BCL2L13: variants seen among roughly 807,000 people sequenced by gnomAD.
BCL2L13 encodes bcl-2-like protein 13.
A neutral mutation model predicts 25.8 loss-of-function variants in BCL2L13; 13 were observed. The observed-to-expected ratio is 0.50, with a 90% confidence interval of 0.33 to 0.80. The LOEUF is 0.80. Among genes scored for constraint, BCL2L13 ranks in the 30% least tolerant of loss-of-function variants. The probability of loss-of-function intolerance (pLI) is 0.02; values close to 1 mark genes in which losing one functional copy is unlikely to be tolerated. For missense variants in BCL2L13, 504 were observed against 574.9 expected (o/e 0.88, Z 1.26); for synonymous variants, 244 against 230.3 (o/e 1.06, Z -0.54).
At chr22:17,633,129 C>T (rs1254155284) in intron 1 of BCL2L13, among the ~76,000 whole-genome samples, 1 of 152,146 alleles carries the variant, frequency 6.6e-6, no homozygotes, top group Non-Finnish European at 1.5e-5. Flanking sequence ...CCATACCATG[C>T]ACCACTACCC....
chr22:17,649,221 C>T (rs534503821), intron 1 of BCL2L13, among the ~76,000 whole-genome samples: 1 of 152,194 alleles, frequency 6.6e-6, no homozygotes, highest in East Asian at 1.9e-4. Context: ...CCTCAGCCTC[C>T]GGAGTGGCTG....
At chr22:17,716,579 A>G (rs996892022) in intron 6 of BCL2L13, among the ~76,000 whole-genome samples, 1 of 152,172 alleles carries the variant, frequency 6.6e-6, no homozygotes, top group African/African-American at 2.4e-5. Context: ...TACCTCCTCT[A>G]ATGCCCTTCA....
intron 1 of BCL2L13, among the ~76,000 whole-genome samples, chr22:17,641,394 TTTC>T (rs1335470896): frequency 6.6e-6 from 1 of 152,076 alleles, no homozygotes; most frequent in Non-Finnish European, 1.5e-5. Context: ...TTTATTTTTT[TTTC>T]TTGTTCTTCC....
upstream of BCL2L13, chr22:17,638,621 T>G: frequency 8.4e-7 from 1 of 1,192,402 alleles, no homozygotes; most frequent in Non-Finnish European, 1.0e-6. Context: ...GTTTGGGTCT[T>G]CAGGTCACAT....
chr22:17,643,903 G>A lies in BCL2L13; in HGVS notation c.-51+5017G>A, dbSNP rs12165346. On this transcript the variant is annotated intron_variant, in intron 1 of 6. Transcript: ENST00000317582. Reference sequence around the variant, plus strand: ...GCTGGGATTACAGGCGTGAGCCACGGCGCCCGGCCAACTTTTTTATTTTGA... The same window carrying A: ...GCTGGGATTACAGGCGTGAGCCACGACGCCCGGCCAACTTTTTTATTTTGA... Among the ~76,000 whole-genome samples the A allele has an allele frequency of 2.9e-3, 419 of 144,776 alleles. 3 individuals are homozygous for A. Among genetic ancestry groups the A allele is most frequent in the African/African-American group, 0.011 (403 of 36,272 alleles). The allele number at this position is 144,776 out of a possible 152,430, so 95.0% of individuals were successfully genotyped here.
At chr22:17,712,500 T>C (rs1399367296) in intron 6 of BCL2L13, among the ~76,000 whole-genome samples, 10 of 152,240 alleles carry the variant, frequency 6.6e-5, no homozygotes, top group Non-Finnish European at 1.3e-4. Context: ...ATTTTCTTCT[T>C]CCTTGTAAAA....
chr22:17,659,249 A>C (rs1224262191), intron 2 of BCL2L13, among the ~76,000 whole-genome samples: 1 of 145,858 alleles, frequency 6.9e-6, no homozygotes, highest in African/African-American at 2.4e-5. Flanking sequence ...CTGTAGTCCC[A>C]GCTACTCTGG....
chr22:17,698,928 C>T (rs1382876597), intron 5 of BCL2L13, among the ~76,000 whole-genome samples: 2 of 152,018 alleles, frequency 1.3e-5, no homozygotes, highest in African/African-American at 4.8e-5. Flanking sequence ...GTAGACTTAT[C>T]CTCCCTCTTT....
intron 6 of BCL2L13, among the ~76,000 whole-genome samples, chr22:17,717,727 G>GT (rs1008662101): frequency 1.5e-4 from 23 of 152,054 alleles, no homozygotes; most frequent in East Asian, 3.9e-4. Flanking sequence ...TTAACTTACT[G>GT]TTTTTTTTAT....
intron 2 of BCL2L13, among the ~76,000 whole-genome samples, chr22:17,679,257 T>TGATGAGCATAACTCATAAATCTAATGTGA: frequency 1.4e-5 from 2 of 141,434 alleles, no homozygotes; most frequent in Admixed American, 7.9e-5. Flanking sequence ...TGTCAATTGG[T>TGATGAGCATAACTCATAAATCTAATGTGA]TTGGCTCTTT....
rs1341833874 is a variant in BCL2L13, at chr22:17,727,799, G to C, written c.*265G>C. The C allele has an allele frequency of 2.3e-5, 12 of 514,782 alleles. No homozygotes were observed. Among genetic ancestry groups the C allele is most frequent in the Non-Finnish European group, 3.9e-5 (11 of 285,060 alleles). The allele number at this position is 514,782 out of a possible 1,614,324, so 31.9% of individuals were successfully genotyped here. A position where few individuals can be genotyped will look rare whatever the true frequency, so the allele number is the denominator to read the frequency against. On this transcript the variant is annotated 3_prime_UTR_variant, in exon 7 of 7. Transcript: ENST00000317582. Reference sequence around the variant, plus strand: ...ACCCCCTCCAGGACCGGGTTTCTCAGCCTTGGCACTAGTGCTGTTCTGACC... The same window carrying C: ...ACCCCCTCCAGGACCGGGTTTCTCACCCTTGGCACTAGTGCTGTTCTGACC...
At chr22:17,650,820 A>G (rs1858205245) in intron 1 of BCL2L13, among the ~76,000 whole-genome samples, 1 of 150,890 alleles carries the variant, frequency 6.6e-6, no homozygotes. Context: ...CTATCCTCCC[A>G]TCTCGGCCTC....
chr22:17,642,011 G>C (rs1289450209), intron 1 of BCL2L13, among the ~76,000 whole-genome samples: 1 of 151,876 alleles, frequency 6.6e-6, no homozygotes, highest in Non-Finnish European at 1.5e-5. Context: ...GTGTTAGCCA[G>C]GATGGTCTCC....
intron 6 of BCL2L13, among the ~76,000 whole-genome samples, chr22:17,722,377 G>GT (rs58590009): frequency 0.36 from 35,880 of 98,740 alleles, 5,155 homozygotes; most frequent in African/African-American, 0.53. Flanking sequence ...GAGACTACAG[G>GT]GGTGTGTGTG....
intron 1 of BCL2L13, among the ~76,000 whole-genome samples, chr22:17,630,383 G>A (rs576028362): frequency 4.4e-4 from 66 of 151,548 alleles, no homozygotes; most frequent in Non-Finnish European, 7.2e-4. Context: ...GGGATCAAGT[G>A]ATTCTCCTCC....
chr22:17,712,514 C>G (rs2060790950), intron 6 of BCL2L13, among the ~76,000 whole-genome samples: 1 of 152,182 alleles, frequency 6.6e-6, no homozygotes, highest in Non-Finnish European at 1.5e-5. Flanking sequence ...TGTAAAATTA[C>G]TCTGTACCTG....
At chr22:17,693,502 C>T (rs1471802789) in intron 4 of BCL2L13, among the ~76,000 whole-genome samples, 1 of 150,762 alleles carries the variant, frequency 6.6e-6, no homozygotes, top group South Asian at 2.1e-4. Flanking sequence ...GCCTCAGTCT[C>T]CTGAGTAGCT....
chr22:17,666,220 T>A (rs984958246), intron 2 of BCL2L13, among the ~76,000 whole-genome samples: 2 of 113,992 alleles, frequency 1.8e-5, no homozygotes. Flanking sequence ...TTTATTTTTT[T>A]AAATTTTTTG....
chr22:17,697,370 G>A (rs1185360964), intron 5 of BCL2L13, among the ~76,000 whole-genome samples: 1 of 152,090 alleles, frequency 6.6e-6, no homozygotes, highest in African/African-American at 2.4e-5. Flanking sequence ...CCCGGGAGTT[G>A]GAGGTTGTGG....
Sources: allele counts gnomAD v4.1 joint callset (sites outside exome capture counted in the v4.1 genomes callset), GRCh38; gene constraint gnomAD v4.1.1; transcripts MANE v1.5; gene names NCBI Gene and HGNC (gene_info 2026-07-23, HGNC 2026-07-21).